EIF3H: variants seen among roughly 807,000 people sequenced by gnomAD.
EIF3H encodes the protein eIF-3-gamma.
EIF3H carries 26 observed loss-of-function variants against 44.2 expected under a neutral mutation model. The ratio of observed to expected loss-of-function variants is 0.59; its 90% CI spans 0.43 to 0.82. The LOEUF (loss-of-function observed/expected upper bound fraction) is 0.82. EIF3H is among the 40% of genes least tolerant of loss of function. The pLI, the probability that EIF3H is intolerant of heterozygous loss-of-function variation, is 0.00. For missense variants in EIF3H, 359 were observed against 432.8 expected (o/e 0.83, Z 1.51); for synonymous variants, 166 against 151.9 (o/e 1.09, Z -0.68).
intron 5 of EIF3H, among the ~76,000 whole-genome samples, chr8:116,649,336 T>C (rs1368891078): frequency 1.3e-5 from 2 of 152,248 alleles, no homozygotes; most frequent in African/African-American, 4.8e-5. Context: ...ACACAGATTA[T>C]GACATCTGGC....
chr8:116,677,936 T>C (rs1813876322), intron 2 of EIF3H, among the ~76,000 whole-genome samples: 2 of 152,254 alleles, frequency 1.3e-5, no homozygotes, highest in Non-Finnish European at 2.9e-5. Flanking sequence ...ACAGGTCTGA[T>C]GACAGGAAAT....
At chr8:116,653,781 G>C (rs1344167088) in intron 5 of EIF3H, among the ~76,000 whole-genome samples, 1 of 152,046 alleles carries the variant, frequency 6.6e-6, no homozygotes, top group Non-Finnish European at 1.5e-5. Context: ...ACTATTACTA[G>C]AACTTCCATC....
At chr8:116,741,392 A>G (rs993491186) in intron 1 of EIF3H, among the ~76,000 whole-genome samples, 1 of 152,262 alleles carries the variant, frequency 6.6e-6, no homozygotes, top group African/African-American at 2.4e-5. Context: ...AAAGTTTTAC[A>G]ACACGATGTT....
intron 1 of EIF3H, among the ~76,000 whole-genome samples, chr8:116,752,783 GGGAGGGAGGGAGGGAAGGAA>G (rs1271324205): frequency 0.029 from 1,038 of 35,976 alleles, 58 homozygotes; most frequent in African/African-American, 0.053. Flanking sequence ...GAGGGAGGGA[GGGAGGGAGGGAGGGAAGGAA>G]GGAAGGAAGG....
At chr8:116,694,916 A>G (rs1007082874) in intron 2 of EIF3H, among the ~76,000 whole-genome samples, 1 of 152,212 alleles carries the variant, frequency 6.6e-6, no homozygotes, top group African/African-American at 2.4e-5. Flanking sequence ...GTATTCCAAC[A>G]TAGTAACAGA....
At chr8:116,752,408 GT>G (rs1051513991) in intron 1 of EIF3H, among the ~76,000 whole-genome samples, 1 of 151,984 alleles carries the variant, frequency 6.6e-6, no homozygotes, top group African/African-American at 2.4e-5. Context: ...TAATCTGAGT[GT>G]TTACGATGAC....
At chr8:116,654,691 C>G (rs555581671) in intron 5 of EIF3H, among the ~76,000 whole-genome samples, 1 of 152,140 alleles carries the variant, frequency 6.6e-6, no homozygotes, top group African/African-American at 2.4e-5. Flanking sequence ...AGCCTTGCAA[C>G]CTGGCTGTGT....
upstream of EIF3H, among the ~76,000 whole-genome samples, chr8:116,758,071 G>T (rs1282993428): frequency 2.6e-5 from 4 of 152,154 alleles, no homozygotes; most frequent in Non-Finnish European, 5.9e-5. Context: ...TTGGATGAAT[G>T]AATAAACGGA....
At chr8:116,700,086 G>A (rs1233705104) in intron 2 of EIF3H, among the ~76,000 whole-genome samples, 4 of 152,160 alleles carry the variant, frequency 2.6e-5, no homozygotes, top group East Asian at 1.9e-4. Flanking sequence ...GATTACAGGC[G>A]TGAGCCACCG....
intron 2 of EIF3H, among the ~76,000 whole-genome samples, chr8:116,699,113 CA>C (rs1814324234): frequency 6.8e-6 from 1 of 147,954 alleles, no homozygotes; most frequent in Non-Finnish European, 1.5e-5. Flanking sequence ...CATGCCCCAG[CA>C]ACAGAGCTGG....
intron 1 of EIF3H, among the ~76,000 whole-genome samples, chr8:116,727,831 G>A (rs1229239180): frequency 6.6e-6 from 1 of 152,080 alleles, no homozygotes; most frequent in Non-Finnish European, 1.5e-5. Context: ...AACATCTTTG[G>A]TCGTGGTAGT....
At chr8:116,757,166 G>C (rs1815462882), upstream of EIF3H, among the ~76,000 whole-genome samples, 1 of 151,996 alleles carries the variant, frequency 6.6e-6, no homozygotes, top group African/African-American at 2.4e-5. Context: ...TCCAACTAAG[G>C]TTTTGCAGCC....
At chr8:116,690,079 T>A (rs912334234) in intron 2 of EIF3H, among the ~76,000 whole-genome samples, 1 of 152,200 alleles carries the variant, frequency 6.6e-6, no homozygotes. Context: ...TATCTGTTTT[T>A]TCAGAGGATA....
In EIF3H at chr8:116,644,687, G is replaced by C; in HGVS notation, c.*319C>G. On this transcript the variant is annotated 3_prime_UTR_variant, in exon 8 of 8. Coordinates refer to ENST00000521861, the MANE Select transcript of EIF3H (RefSeq NM_003756.3). ...AGAAGTGGGTTGAAAGGTGGCACCTGAGAGGCAGCAAAAGTGGTGGAGCCT... is the reference window on the plus strand; with the variant it reads ...AGAAGTGGGTTGAAAGGTGGCACCTCAGAGGCAGCAAAAGTGGTGGAGCCT... The C allele has an allele frequency of 4.2e-6, 1 of 236,704 alleles. No homozygotes were observed. Among genetic ancestry groups the C allele is most frequent in the Non-Finnish European group, 8.2e-6 (1 of 122,282 alleles). The allele number at this position is 236,704 out of a possible 1,614,324, so 14.7% of individuals were successfully genotyped here.
intron 4 of EIF3H, 135 bp downstream of exon 4, chr8:116,657,080 C>G (rs936760274): frequency 7.0e-6 from 5 of 719,044 alleles, no homozygotes; most frequent in Non-Finnish European, 1.2e-5. Context: ...AAGCAGCACT[C>G]GGCATGCAGA....
intron 2 of EIF3H, among the ~76,000 whole-genome samples, chr8:116,672,110 T>A (rs890023654): frequency 1.3e-5 from 2 of 152,212 alleles, no homozygotes; most frequent in Admixed American, 6.5e-5. Flanking sequence ...CCTTGTTAGA[T>A]AGAGAAAGCT....
chr8:116,671,981 T>G (rs1175111765), intron 2 of EIF3H, among the ~76,000 whole-genome samples: 1 of 152,206 alleles, frequency 6.6e-6, no homozygotes, highest in African/African-American at 2.4e-5. Flanking sequence ...AAAACCTAAA[T>G]GCCCTTAAAA....
At chr8:116,723,181 AC>A (rs1814780535) in intron 2 of EIF3H, among the ~76,000 whole-genome samples, 1 of 152,236 alleles carries the variant, frequency 6.6e-6, no homozygotes, top group African/African-American at 2.4e-5. Context: ...TGTGCCACCA[AC>A]CCAGTAACCA....
chr8:116,725,990 GAC>G (rs777315054), intron 2 of EIF3H, 24 bp downstream of exon 2: 63 of 1,606,172 alleles, frequency 3.9e-5, no homozygotes, highest in Admixed American at 1.2e-4. Flanking sequence ...GCACTGCAAA[GAC>G]ACACTTGTGA....
Sources: gnomAD v4.1 joint callset for allele counts (sites outside exome capture counted in the v4.1 genomes callset) on GRCh38, gnomAD v4.1.1 for gene constraint, MANE v1.5 for transcripts, NCBI Gene and HGNC (gene_info 2026-07-23, HGNC 2026-07-21) for gene names.